The following HSPG2 variants were observed in gnomAD, a reference collection of about 807,000 sequenced individuals.
The protein encoded by HSPG2 is heparan sulfate proteoglycan 2.
In HSPG2, 278 loss-of-function variants were observed where a neutral mutation model predicts 526.6. The ratio of observed to expected loss-of-function variants is 0.53; its 90% CI spans 0.48 to 0.58. The LOEUF (loss-of-function observed/expected upper bound fraction) is 0.58, where lower values mean the gene tolerates loss of function less well. Ranked by LOEUF, HSPG2 falls within the 20% of genes least tolerant of loss-of-function variation. HSPG2 has a pLI of 0.00. For synonymous variants in HSPG2, 2,465 were observed against 2,555.4 expected (o/e 0.96, Z 1.07); for missense variants, 5,354 against 6,099.5 (o/e 0.88, Z 4.07).
At position 21,893,766 on chromosome 1, in the gene HSPG2, G is replaced by A. The variant is rs1426395857; in HGVS notation, c.244+2156C>T. ...GAGGCAGAGACATTGCAAGAGAGAG[G>A]GAGACACAAAGAGACAGAAAGACAG... On this transcript the variant is annotated intron_variant, in intron 3 of 96. Coordinates refer to ENST00000374695, the MANE Select transcript of HSPG2 (RefSeq NM_005529.7). This position sits in a 1 kb window ranked among gnomAD's most constrained non-coding sequence, Gnocchi z 4.3. 6.6e-6 allele frequency among the ~76,000 whole-genome samples: 1 copy of A among 151,816 alleles called. No individual in the cohort carries two copies. Among genetic ancestry groups the A allele is most frequent in the Non-Finnish European group, 1.5e-5 (1 of 67,960 alleles).
intron 1 of HSPG2, among the ~76,000 whole-genome samples, chr1:21,932,940 T>A (rs1274553767): frequency 6.6e-6 from 1 of 152,088 alleles, no homozygotes; most frequent in African/African-American, 2.4e-5. Context: ...AAGAAAAGGC[T>A]GGGTGCAGTG....
In HSPG2 at chr1:21,831,665, T is replaced by G; in HGVS notation, c.11339A>C (p.Asn3780Thr). ...GTTGGGTCTCACCTGGGAGGTCCCA[T>G]TGACCGGGGCCAGGTCACCCACAAT... ...SLIVGDLAPVNGTSQGKFQGL... is the reference protein window; with the variant it reads ...SLIVGDLAPVTGTSQGKFQGL... Residue 3780 changes from asparagine (N) to threonine (T), a missense_variant, in exon 82 of 97, where the codon AAT becomes ACT. Transcript: ENST00000374695. 1 of 1,606,864 alleles carries G rather than the reference T, an allele frequency of 6.2e-7. No homozygotes were observed. The highest frequency in any genetic ancestry group is 1.7e-5 in the Admixed American group (1 of 58,400).
chr1:21,840,022 G>A lies in HSPG2; in HGVS notation c.9514-5C>T, dbSNP rs1470035592. ...TGATGGTTTAGCTGATGAAATCTGG[G>A]AGAAAGCAAGGAGGCTGGTTATGTG... On this transcript the variant is annotated splice_polypyrimidine_tract_variant and splice_region_variant and intron_variant, in intron 71 of 96. Transcript: ENST00000374695. 1.2e-6 allele frequency: 2 copies of A among 1,613,958 alleles called. No homozygotes were observed. Among genetic ancestry groups the A allele is most frequent in the African/African-American group, 2.7e-5 (2 of 74,948 alleles).
chr1:21,922,340 T>C (rs1262324547), intron 1 of HSPG2, among the ~76,000 whole-genome samples: 1 of 152,184 alleles, frequency 6.6e-6, no homozygotes, highest in Admixed American at 6.5e-5. Flanking sequence ...ACCTGCAGAA[T>C]GAAACGGTGC....
In HSPG2 at chr1:21,898,589, C is replaced by A. The variant is rs1477301009; in HGVS notation, c.64-2279G>T. ...GGATTCCCACAGTCCCTGGTTAGAA[C>A]CGTAAGACCAGCCCCTACCAGGCGC... is the stretch of plus-strand genomic sequence containing the variant. On this transcript the variant is annotated intron_variant, in intron 1 of 96. Coordinates refer to ENST00000374695, the MANE Select transcript of HSPG2 (RefSeq NM_005529.7). The surrounding 1 kb of genome is among the most constrained non-coding windows in gnomAD (Gnocchi z 4.0). Among the ~76,000 whole-genome samples, 1 of 152,228 alleles carries A rather than the reference C, an allele frequency of 6.6e-6. No individual in the cohort carries two copies. Among genetic ancestry groups the A allele is most frequent in the Admixed American group, 6.5e-5 (1 of 15,280 alleles).
rs113695182 is a variant in HSPG2 at position 21,854,337 on chromosome 1, C to G, written c.6295G>C (p.Gly2099Arg). 4 of 1,568,562 alleles carry G rather than the reference C, an allele frequency of 2.6e-6. No individual in the cohort carries two copies. The highest frequency in any genetic ancestry group is 1.8e-4 in the Middle Eastern group (1 of 5,572). ...GSLPPHTQVH[G>R]SRLRLPQVSP... is the part of the protein sequence containing the mutation. ...ACCTGGGGGAGCCGCAGACGGGAGC[C>G]GTGCACCTGGGCCAGGAGGAGCCAG... Residue 2099 changes from glycine to arginine, a missense_variant, in exon 50 of 97, where the codon GGC becomes CGC. Gly to Arg is a moderately radical substitution (Grantham distance 125). Transcript: ENST00000374695.
In HSPG2 at chr1:21,850,032, G is replaced by C. The variant is rs1444099771; in HGVS notation, c.7446+9C>G. 1 of 1,612,554 alleles carries C rather than the reference G, an allele frequency of 6.2e-7. No individual in the cohort carries two copies. Among genetic ancestry groups the C allele is most frequent in the African/African-American group, 1.3e-5 (1 of 74,930 alleles). ...GGTCCTTCAGGCTTCCTGAGCTCCT[G>C]CCTCCTACCTGGTGCCGGGCCGGGA... On this transcript the variant is annotated intron_variant, in intron 57 of 96. Transcript: ENST00000374695.
chr1:21,833,228 C>A (rs764033093), intron 80 of HSPG2, 40 bp downstream of exon 80: 1 of 1,555,140 alleles, frequency 6.4e-7, no homozygotes, highest in Non-Finnish European at 8.9e-7. Context: ...GGTCCCTCAA[C>A]CCAGGCCAGC....
Position 21,887,758 on chromosome 1 carries a change from C to A in HSPG2, c.704-84G>T. The A allele has an allele frequency of 7.5e-6, 12 of 1,590,860 alleles. No individual in the cohort carries two copies. The highest frequency in any genetic ancestry group is 1.7e-5 in the Admixed American group (1 of 59,888). ...GTCCCCAACCCTCCCCAGGCCCACC[C>A]TGTACTCCCCAACACCACTCCCTGC... On this transcript the variant is annotated intron_variant, in intron 7 of 96. Transcript: ENST00000374695. The surrounding 1 kb of genome is among the most constrained non-coding windows in gnomAD (Gnocchi z 5.0).
intron 1 of HSPG2, among the ~76,000 whole-genome samples, chr1:21,936,871 G>C (rs1644501691): frequency 6.6e-6 from 1 of 152,154 alleles, no homozygotes; most frequent in Non-Finnish European, 1.5e-5. Flanking sequence ...TGCCCAGCGA[G>C]ACTCCAGCAC....
At position 21,859,692 on chromosome 1, in the gene HSPG2, C is replaced by T. The variant is rs570623272; in HGVS notation, c.5183-16G>A. On this transcript the variant is annotated splice_polypyrimidine_tract_variant and intron_variant, in intron 41 of 96. Transcript: ENST00000374695. This position sits in a 1 kb window ranked among gnomAD's most constrained non-coding sequence, Gnocchi z 5.3. ...AGCTCGGAGCCTGGTGGGGAGGAGA[C>T]AAGAGCTTGTTGGTGCAGATACACT... 2 of 1,599,202 alleles carry T rather than the reference C, an allele frequency of 1.3e-6. No individual in the cohort carries two copies. The highest frequency in any genetic ancestry group is 1.7e-6 in the Non-Finnish European group (2 of 1,172,734).
chr1:21,899,644 G>C (rs1365135114), intron 1 of HSPG2, among the ~76,000 whole-genome samples: 2 of 152,188 alleles, frequency 1.3e-5, no homozygotes, highest in South Asian at 4.1e-4. Flanking sequence ...ATCACTGGGA[G>C]TCACTCTTGC....
chr1:21,836,051 C>T (rs1167998172), intron 75 of HSPG2, among the ~76,000 whole-genome samples: 1 of 151,244 alleles, frequency 6.6e-6, no homozygotes, highest in Non-Finnish European at 1.5e-5. Context: ...TAGAACAGCA[C>T]GCAGTGTTGC....
At chr1:21,840,160 A>G in intron 71 of HSPG2, 143 bp from the exon 72 acceptor site, 1 of 700,240 alleles carries the variant, frequency 1.4e-6, no homozygotes. Flanking sequence ...ATTTTTTGAG[A>G]CAGGGTCTTA....
At chr1:21,923,968 A>C (rs978327082) in intron 1 of HSPG2, among the ~76,000 whole-genome samples, 1 of 152,272 alleles carries the variant, frequency 6.6e-6, no homozygotes, top group African/African-American at 2.4e-5. Flanking sequence ...CTTTCTAAAC[A>C]GACATTTACA....
intron 15 of HSPG2, 38 bp downstream of exon 15, chr1:21,880,618 C>T (rs1460024021): frequency 6.3e-7 from 1 of 1,599,222 alleles, no homozygotes; most frequent in Admixed American, 1.7e-5. Flanking sequence ...CCTAAATCCC[C>T]CTTTGCTCCC....
intron 1 of HSPG2, chr1:21,908,200 A>T: frequency 1.1e-6 from 1 of 871,246 alleles, no homozygotes. Context: ...GCGAATCTAT[A>T]AGAAAGGTGA....
chr1:21,936,446 T>A (rs1169451998), intron 1 of HSPG2, among the ~76,000 whole-genome samples: 2 of 152,168 alleles, frequency 1.3e-5, no homozygotes, highest in Non-Finnish European at 2.9e-5. Context: ...ACTTTGCAGC[T>A]CATTCCACGC....
chr1:21,906,746 T>G (rs1643402510), intron 1 of HSPG2, among the ~76,000 whole-genome samples: 1 of 151,238 alleles, frequency 6.6e-6, no homozygotes, highest in African/African-American at 2.4e-5. Flanking sequence ...GGGGGTCACG[T>G]GCAACTATTT....
Sources: allele counts gnomAD v4.1 joint callset (sites outside exome capture counted in the v4.1 genomes callset), GRCh38; gene constraint gnomAD v4.1.1; non-coding constraint Gnocchi (gnomAD v3.1); transcripts MANE v1.5; gene names NCBI Gene and HGNC (gene_info 2026-07-23, HGNC 2026-07-21).